GPC5: variants seen among roughly 807,000 people sequenced by gnomAD.
GPC5 encodes the protein glypican 5.
A neutral mutation model predicts 53.9 loss-of-function variants in GPC5; 47 were observed. That is an observed-to-expected ratio of 0.87 (90% CI 0.69 to 1.11). The LOEUF is 1.11. Among genes scored for constraint, GPC5 ranks in the 50% most tolerant of loss-of-function variants. GPC5 has a pLI of 0.00. For missense variants in GPC5, 748 were observed against 713.1 expected (o/e 1.05, Z -0.56); for synonymous variants, 286 against 263.3 (o/e 1.09, Z -0.84).
At chr13:92,602,237 T>TA (rs1555294312) in intron 7 of GPC5, among the ~76,000 whole-genome samples, 1 of 81,702 alleles carries the variant, frequency 1.2e-5, no homozygotes, top group African/African-American at 5.4e-5. Flanking sequence ...ATATAACATA[T>TA]ATATATATAT....
chr13:92,150,205 G>A (rs1026277428), intron 7 of GPC5, among the ~76,000 whole-genome samples: 5 of 126,294 alleles, frequency 4.0e-5, no homozygotes, highest in African/African-American at 1.5e-4. Flanking sequence ...AAGTAATCTT[G>A]AGTAATGATT....
intron 7 of GPC5, among the ~76,000 whole-genome samples, chr13:92,355,398 G>A (rs1296622535): frequency 6.6e-6 from 1 of 152,068 alleles, no homozygotes; most frequent in East Asian, 1.9e-4. Flanking sequence ...TGCAGACTCT[G>A]GCTTTATCGC....
chr13:92,479,639 T>C (rs1266558667), intron 7 of GPC5, among the ~76,000 whole-genome samples: 5 of 152,122 alleles, frequency 3.3e-5, no homozygotes, highest in African/African-American at 1.2e-4. Flanking sequence ...TCCATGAGTG[T>C]AACAGAATGA....
At chr13:92,757,008 G>C (rs1874909959) in intron 7 of GPC5, among the ~76,000 whole-genome samples, 1 of 151,820 alleles carries the variant, frequency 6.6e-6, no homozygotes, top group Non-Finnish European at 1.5e-5. Context: ...AACCAAAAAA[G>C]AGCCCGCATT....
intron 6 of GPC5, among the ~76,000 whole-genome samples, chr13:92,031,402 A>G (rs546656768): frequency 6.6e-6 from 1 of 151,858 alleles, no homozygotes; most frequent in Non-Finnish European, 1.5e-5. Flanking sequence ...CATACCCAGT[A>G]GTGGGATTGC....
intron 2 of GPC5, among the ~76,000 whole-genome samples, chr13:91,476,692 C>G (rs1029193292): frequency 5.3e-5 from 8 of 152,118 alleles, no homozygotes; most frequent in African/African-American, 1.9e-4. Context: ...GAGGATTACT[C>G]TACTCACACC....
intron 2 of GPC5, among the ~76,000 whole-genome samples, chr13:91,564,607 A>G (rs746370892): frequency 1.3e-5 from 2 of 152,206 alleles, no homozygotes; most frequent in Non-Finnish European, 2.9e-5. Flanking sequence ...TCAGAACAGC[A>G]TGTGGCAGAA....
At chr13:91,979,221 A>AC in intron 6 of GPC5, among the ~76,000 whole-genome samples, 1 of 150,688 alleles carries the variant, frequency 6.6e-6, no homozygotes, top group Middle Eastern at 3.4e-3. Context: ...GCCCATAGTG[A>AC]TTTTTTTTTT....
chr13:92,625,978 G>C (rs187029840), intron 7 of GPC5, among the ~76,000 whole-genome samples: 5 of 152,316 alleles, frequency 3.3e-5, no homozygotes, highest in African/African-American at 1.2e-4. Context: ...ATAGGAACCA[G>C]ATCAAAGATT....
intron 7 of GPC5, among the ~76,000 whole-genome samples, chr13:92,348,360 G>A (rs952591238): frequency 6.6e-6 from 1 of 151,814 alleles, no homozygotes. Context: ...TAATAAAGGG[G>A]TCAATTTATC....
chr13:92,561,382 C>A (rs569376127), intron 7 of GPC5, among the ~76,000 whole-genome samples: 1 of 152,102 alleles, frequency 6.6e-6, no homozygotes, highest in South Asian at 2.1e-4. Flanking sequence ...CTCATCTCTG[C>A]CATTTGCCAA....
At chr13:91,693,087 CTTAGA>C in intron 2 of GPC5, 95 bp from the exon 3 acceptor site, 1 of 838,520 alleles carries the variant, frequency 1.2e-6, no homozygotes, top group Non-Finnish European at 1.9e-6. Context: ...AATTTAGATA[CTTAGA>C]TTAGTTTTGA....
intron 7 of GPC5, among the ~76,000 whole-genome samples, chr13:92,662,955 T>C (rs767019156): frequency 1.3e-5 from 2 of 152,184 alleles, no homozygotes; most frequent in African/African-American, 2.4e-5. Flanking sequence ...TTCTCTTAGG[T>C]TCTGCTTCTG....
At chr13:91,986,746 A>G (rs947202801) in intron 6 of GPC5, among the ~76,000 whole-genome samples, 22 of 152,372 alleles carry the variant, frequency 1.4e-4, no homozygotes, top group African/African-American at 5.0e-4. Context: ...ATATGTTCTC[A>G]ATGAAATATT....
chr13:91,443,803 A>G (rs566907504), intron 1 of GPC5, among the ~76,000 whole-genome samples: 2 of 152,302 alleles, frequency 1.3e-5, no homozygotes, highest in African/African-American at 2.4e-5. Flanking sequence ...TCATGTTGGT[A>G]CTTATAATTC....
intron 2 of GPC5, among the ~76,000 whole-genome samples, chr13:91,480,443 C>G (rs890174959): frequency 6.6e-6 from 1 of 152,134 alleles, no homozygotes; most frequent in African/African-American, 2.4e-5. Context: ...GTTGAGCTGC[C>G]GTTACTTGAA....
intron 6 of GPC5, among the ~76,000 whole-genome samples, chr13:91,922,615 T>C (rs969616001): frequency 1.3e-5 from 2 of 152,198 alleles, no homozygotes; most frequent in East Asian, 1.9e-4. Flanking sequence ...ATAGAACACA[T>C]GTATTCTTAT....
At chr13:91,943,174 T>A (rs570229404) in intron 6 of GPC5, among the ~76,000 whole-genome samples, 1 of 152,274 alleles carries the variant, frequency 6.6e-6, no homozygotes, top group East Asian at 1.9e-4. Context: ...CTGCTATGCT[T>A]TTTCATTTCA....
At chr13:92,315,438 T>C (rs1401668981) in intron 7 of GPC5, among the ~76,000 whole-genome samples, 1 of 152,214 alleles carries the variant, frequency 6.6e-6, no homozygotes, top group Non-Finnish European at 1.5e-5. Flanking sequence ...GAAAACATTC[T>C]GACTCATACC....
Sources: allele counts gnomAD v4.1 joint callset (sites outside exome capture counted in the v4.1 genomes callset), GRCh38; gene constraint gnomAD v4.1.1; transcripts MANE v1.5; gene names NCBI Gene and HGNC (gene_info 2026-07-23, HGNC 2026-07-21).